DDX10: variants seen among roughly 807,000 people sequenced by gnomAD.
DDX10 encodes the protein probable ATP-dependent RNA helicase DDX10.
A neutral mutation model predicts 104.3 loss-of-function variants in DDX10; 74 were observed. The ratio of observed to expected loss-of-function variants is 0.71; its 90% CI spans 0.59 to 0.86. The LOEUF (loss-of-function observed/expected upper bound fraction) is 0.86, where lower values mean the gene tolerates loss of function less well. DDX10 is among the 40% of genes least tolerant of loss of function. The probability of loss-of-function intolerance (pLI) is 0.00; values close to 1 mark genes in which losing one functional copy is unlikely to be tolerated. For missense variants in DDX10, 952 were observed against 1,040.0 expected (o/e 0.92, Z 1.16); for synonymous variants, 351 against 353.4 (o/e 0.99, Z 0.08).
At chr11:108,887,592 A>G (rs554496665) in intron 16 of DDX10, among the ~76,000 whole-genome samples, 4 of 151,874 alleles carry the variant, frequency 2.6e-5, no homozygotes, top group Non-Finnish European at 5.9e-5. Context: ...TAAAAAAAAA[A>G]AAACAAACCA....
intron 17 of DDX10, among the ~76,000 whole-genome samples, chr11:108,927,919 G>C (rs558624598): frequency 1.3e-5 from 2 of 152,316 alleles, no homozygotes; most frequent in South Asian, 2.1e-4. Flanking sequence ...GATTATAGGC[G>C]TGAGCCACCG....
chr11:108,814,375 T>A (rs1862226387), intron 13 of DDX10, among the ~76,000 whole-genome samples: 1 of 152,198 alleles, frequency 6.6e-6, no homozygotes, highest in African/African-American at 2.4e-5. Context: ...GAAATGTTGA[T>A]TTTTGCTTTA....
chr11:108,880,544 A>G (rs1016005355), intron 16 of DDX10, among the ~76,000 whole-genome samples: 2 of 152,222 alleles, frequency 1.3e-5, no homozygotes, highest in African/African-American at 2.4e-5. Flanking sequence ...TTATCAGAGT[A>G]TAATCTGGTA....
At chr11:108,791,737 A>C (rs1861874130) in intron 13 of DDX10, among the ~76,000 whole-genome samples, 1 of 152,164 alleles carries the variant, frequency 6.6e-6, no homozygotes. Context: ...AGTGTAAATA[A>C]ACTTGCTATG....
intron 13 of DDX10, among the ~76,000 whole-genome samples, chr11:108,812,973 C>T (rs1218454145): frequency 2.2e-4 from 1 of 4,592 alleles, no homozygotes. Context: ...CAGAGTGACT[C>T]CATCTTAAAA....
chr11:108,733,366 A>T (rs919768541), intron 13 of DDX10, among the ~76,000 whole-genome samples: 1 of 152,110 alleles, frequency 6.6e-6, no homozygotes, highest in Non-Finnish European at 1.5e-5. Flanking sequence ...TTAGGTACTT[A>T]GTGACTTTTA....
intron 13 of DDX10, among the ~76,000 whole-genome samples, chr11:108,833,946 A>G (rs772595635): frequency 2.0e-5 from 3 of 151,876 alleles, no homozygotes; most frequent in Non-Finnish European, 2.9e-5. Context: ...CTTTTACTGT[A>G]TTTCTCTCTG....
chr11:108,665,131 G>A lies in DDX10; in HGVS notation c.-23G>A. 1 of 1,595,148 alleles carries A rather than the reference G, an allele frequency of 6.3e-7. No individual in the cohort carries two copies. The highest frequency in any genetic ancestry group is 2.3e-5 in the East Asian group (1 of 44,370). ...GGTGTCTCGTGTCTGGGGTTGATCCGAGCTGTCGCCGCCGCCGCCGCAATG... is the reference window on the plus strand; with the variant it reads ...GGTGTCTCGTGTCTGGGGTTGATCCAAGCTGTCGCCGCCGCCGCCGCAATG... On this transcript the variant is annotated 5_prime_UTR_variant, in exon 1 of 18. Transcript: ENST00000322536.
At chr11:108,726,614 T>C in intron 13 of DDX10, among the ~76,000 whole-genome samples, 1 of 152,102 alleles carries the variant, frequency 6.6e-6, no homozygotes, top group East Asian at 1.9e-4. Flanking sequence ...TAACTGATTA[T>C]GAGGTTTGTG....
At chr11:108,693,155 T>C (rs1354610696) in intron 8 of DDX10, among the ~76,000 whole-genome samples, 2 of 152,266 alleles carry the variant, frequency 1.3e-5, no homozygotes, top group Middle Eastern at 3.4e-3. Context: ...TCTGTTCCCG[T>C]TGGTTTGCTG....
Position 108,723,095 on chromosome 11 carries a change from T to C in DDX10, c.1598T>C (p.Ile533Thr), listed in dbSNP as rs373102638. ...ELVRSQADKV[I>T]EPRAPSLTND... ...GTAAGGAGCCAAGCCGATAAAGTAA[T>C]TGAGCCAAGGGCTCCCTCCCTCACC... The change falls in exon 13 of 18, where the codon ATT becomes ACT. Residue 533 changes from isoleucine to threonine, a missense_variant. By Grantham distance (89) the Ile-to-Thr change is moderately conservative. This residue lies in a region of DDX10 where 533 missense variants were observed against 534.1 expected (regional missense o/e 1.00). Coordinates refer to ENST00000322536, the MANE Select transcript of DDX10 (RefSeq NM_004398.4). 2 of 1,613,740 alleles carry C rather than the reference T, an allele frequency of 1.2e-6. No homozygotes were observed. The highest frequency in any genetic ancestry group is 1.7e-6 in the Non-Finnish European group (2 of 1,179,898).
intron 3 of DDX10, 64 bp downstream of exon 3, chr11:108,675,790 T>A: frequency 6.4e-7 from 1 of 1,570,678 alleles, no homozygotes; most frequent in Non-Finnish European, 8.7e-7. Flanking sequence ...TGTGCCCAGA[T>A]GCAGATTATA....
chr11:108,814,145 T>C (rs1040694774), intron 13 of DDX10, among the ~76,000 whole-genome samples: 3 of 152,160 alleles, frequency 2.0e-5, no homozygotes, highest in Admixed American at 2.0e-4. Context: ...TATAGGGTAA[T>C]ATGTATTCCA....
Position 108,738,056 on chromosome 11 carries a change from A to G in DDX10, c.1965+14594A>G, listed in dbSNP as rs1158530044. ...GTTGCATATTCCAAAAACACTTAGCACGACCTTGCTAAATAATGCTCTCTC... is the reference window on the plus strand; with the variant it reads ...GTTGCATATTCCAAAAACACTTAGCGCGACCTTGCTAAATAATGCTCTCTC... On this transcript the variant is annotated intron_variant, in intron 13 of 17. Coordinates refer to ENST00000322536, the MANE Select transcript of DDX10 (RefSeq NM_004398.4). 6.6e-5 allele frequency among the ~76,000 whole-genome samples: 10 copies of G among 152,126 alleles called. No individual in the cohort carries two copies. In the East Asian group the frequency reaches 1.9e-3, roughly 30 times the overall value.
At chr11:108,770,169 C>T (rs1030538949) in intron 13 of DDX10, among the ~76,000 whole-genome samples, 4 of 151,912 alleles carry the variant, frequency 2.6e-5, no homozygotes, top group Admixed American at 6.6e-5. Flanking sequence ...TTTGTGGGTA[C>T]GTAGGTGCAT....
chr11:108,793,829 C>T (rs576632005), intron 13 of DDX10, among the ~76,000 whole-genome samples: 45 of 152,100 alleles, frequency 3.0e-4, no homozygotes, highest in Non-Finnish European at 3.7e-4. Context: ...CTCACAGACA[C>T]CCTTCCCAGC....
At chr11:108,771,220 G>A (rs1022215623) in intron 13 of DDX10, among the ~76,000 whole-genome samples, 4 of 152,038 alleles carry the variant, frequency 2.6e-5, no homozygotes, top group South Asian at 2.1e-4. Flanking sequence ...TTCCTATAGA[G>A]TTCTTTCAGC....
At chr11:108,688,874 G>A in intron 6 of DDX10, 62 bp from the exon 7 acceptor site, 1 of 1,545,374 alleles carries the variant, frequency 6.5e-7, no homozygotes, top group Non-Finnish European at 8.8e-7. Context: ...TCCTTTTTTG[G>A]TCTGGATTTC....
chr11:108,776,081 T>G (rs1357429842), intron 13 of DDX10, among the ~76,000 whole-genome samples: 3 of 152,200 alleles, frequency 2.0e-5, no homozygotes, highest in Non-Finnish European at 4.4e-5. Flanking sequence ...TTTCCATATC[T>G]GTTGTGGTTT....
Sources: allele counts gnomAD v4.1 joint callset (sites outside exome capture counted in the v4.1 genomes callset), GRCh38; gene constraint gnomAD v4.1.1; regional missense constraint gnomAD v4.1.1; transcripts MANE v1.5; gene names NCBI Gene and HGNC (gene_info 2026-07-23, HGNC 2026-07-21).